The following WAC variants were observed in gnomAD, a reference collection of about 807,000 sequenced individuals.
WAC encodes the protein WW domain-containing adapter protein with coiled-coil.
WAC carries 11 observed loss-of-function variants against 79.6 expected under a neutral mutation model. That is an observed-to-expected ratio of 0.14 (90% CI 0.09 to 0.23). The LOEUF (loss-of-function observed/expected upper bound fraction) is 0.23. Ranked by LOEUF, WAC falls within the 10% of genes least tolerant of loss-of-function variation. The probability of loss-of-function intolerance (pLI) is 1.00; values close to 1 mark genes in which losing one functional copy is unlikely to be tolerated. For synonymous variants in WAC, 304 were observed against 276.9 expected, an observed-to-expected ratio of 1.10 and a Z score of -0.97; for missense variants, 728 against 773.5, an observed-to-expected ratio of 0.94 and a Z score of 0.70.
intron 4 of WAC, among the ~76,000 whole-genome samples, chr10:28,588,145 A>G (rs553806582): frequency 1.3e-5 from 2 of 152,290 alleles, no homozygotes; most frequent in African/African-American, 2.4e-5. Context: ...AAGCAAACCA[A>G]GCCTTCCAGA....
rs532093732 is a variant in WAC at position 28,611,072 on chromosome 10, G to A, written c.1288+251G>A. The A allele has an allele frequency of 5.1e-4, 283 of 557,626 alleles. 1 individual carries two copies. The highest frequency in any genetic ancestry group is 4.3e-3 in the East Asian group (108 of 25,376). 34.5% of individuals were successfully genotyped at this position (557,626 alleles called of 1,614,324 possible). A position where few individuals can be genotyped will look rare whatever the true frequency, so the allele number is the denominator to read the frequency against. ...ATCAAATCTGTAATTATTTAAGACA[G>A]TATTTAATTCAGACTTTGTTATTAA... is the stretch of plus-strand genomic sequence containing the variant. On this transcript the variant is annotated intron_variant, in intron 9 of 13. Coordinates refer to ENST00000354911, the MANE Select transcript of WAC (RefSeq NM_016628.5).
chr10:28,570,311 T>C (rs1247087022), intron 3 of WAC, among the ~76,000 whole-genome samples: 2 of 152,228 alleles, frequency 1.3e-5, no homozygotes, highest in African/African-American at 2.4e-5. Context: ...ACAGGTATAG[T>C]GTGTTGTCTT....
At position 28,617,706 on chromosome 10, in the gene WAC, C is replaced by T; in HGVS notation, c.1796C>T (p.Ser599Phe). 1.3e-6 allele frequency: 2 copies of T among 1,597,970 alleles called. No individual in the cohort carries two copies. Among genetic ancestry groups the T allele is most frequent in the Non-Finnish European group, 1.7e-6 (2 of 1,175,182 alleles). The stretch of plus-strand genomic sequence containing the variant: ...CATAACATGGGAACTATTCACATGT[C>T]CGAAATTTGTACTGAATTAAAAAAT... ...EAHNMGTIHM[S>F]EICTELKNLR... The change falls in exon 13 of 14, where the codon TCC becomes TTC. Residue 599 changes from serine (S) to phenylalanine (F), a missense_variant. By Grantham distance (155) the Ser-to-Phe change is radical. This residue lies in a region of WAC where 66 missense variants were observed against 78.9 expected (regional missense o/e 0.84). Transcript: ENST00000354911.
intron 3 of WAC, among the ~76,000 whole-genome samples, chr10:28,564,252 C>CA (rs951195539): frequency 6.6e-6 from 1 of 151,650 alleles, no homozygotes; most frequent in Non-Finnish European, 1.5e-5. Context: ...GACCTTGTCT[C>CA]AAAAAAACAA....
chr10:28,556,175 C>A (rs1380113370), intron 3 of WAC, among the ~76,000 whole-genome samples: 1 of 152,062 alleles, frequency 6.6e-6, no homozygotes, highest in Non-Finnish European at 1.5e-5. Flanking sequence ...TCCATTATTT[C>A]CACCAATAGT....
intron 3 of WAC, among the ~76,000 whole-genome samples, chr10:28,557,494 A>G (rs1490516603): frequency 6.6e-6 from 1 of 152,020 alleles, no homozygotes; most frequent in Non-Finnish European, 1.5e-5. Context: ...TCAGGTGTTC[A>G]AGACCCACCT....
At chr10:28,590,632 T>G in intron 5 of WAC, 88 bp from the exon 6 acceptor site, 1 of 1,055,718 alleles carries the variant, frequency 9.5e-7, no homozygotes, top group South Asian at 1.5e-5. Context: ...TGTATACCAT[T>G]TGTTAGGCAT....
intron 3 of WAC, among the ~76,000 whole-genome samples, chr10:28,552,195 GTATT>G (rs1395449975): frequency 6.6e-6 from 1 of 151,934 alleles, no homozygotes. Flanking sequence ...TTTCCTCTTA[GTATT>G]TATTCTTAGG....
At chr10:28,574,598 G>A (rs1424938747) in intron 3 of WAC, among the ~76,000 whole-genome samples, 6 of 149,176 alleles carry the variant, frequency 4.0e-5, no homozygotes, top group Non-Finnish European at 8.9e-5. Flanking sequence ...ACACAGCACC[G>A]CACCCAGCTA....
intron 3 of WAC, among the ~76,000 whole-genome samples, chr10:28,557,066 T>G (rs988334720): frequency 2.1e-4 from 21 of 99,354 alleles, no homozygotes; most frequent in Admixed American, 9.6e-5. Flanking sequence ...ATTTTGGGAG[T>G]TTTTTTTTTT....
At chr10:28,543,883 T>C (rs1385609362) in intron 3 of WAC, among the ~76,000 whole-genome samples, 2 of 152,198 alleles carry the variant, frequency 1.3e-5, no homozygotes, top group Non-Finnish European at 2.9e-5. Context: ...TTTTTTGTTG[T>C]TGCTGTTGTT....
chr10:28,541,413 GTGT>G (rs1837020306), intron 3 of WAC, among the ~76,000 whole-genome samples: 2 of 50,754 alleles, frequency 3.9e-5, no homozygotes, highest in South Asian at 1.0e-3. Context: ...GTGTGTGTGT[GTGT>G]TTTGTTTTTT....
chr10:28,614,736 C>A, intron 11 of WAC, 51 bp downstream of exon 11: 2 of 1,362,914 alleles, frequency 1.5e-6, no homozygotes, highest in Non-Finnish European at 2.1e-6. Context: ...AATGATGGTA[C>A]ACTGCATTGT....
At chr10:28,604,979 G>GT (rs1487435402) in intron 7 of WAC, among the ~76,000 whole-genome samples, 1 of 152,146 alleles carries the variant, frequency 6.6e-6, no homozygotes, top group Non-Finnish European at 1.5e-5. Flanking sequence ...TCAGCTTTTA[G>GT]TATTATACAT....
At position 28,619,815 on chromosome 10, in the gene WAC, A is replaced by G. The variant is rs999425980; in HGVS notation, c.*209A>G. 4 of 440,296 alleles carry G rather than the reference A, an allele frequency of 9.1e-6. No individual in the cohort carries two copies. The highest frequency in any genetic ancestry group is 2.1e-5 in the African/African-American group (1 of 48,334). 27.3% of individuals were successfully genotyped at this position (440,296 alleles called of 1,614,324 possible). On this transcript the variant is annotated 3_prime_UTR_variant, in exon 14 of 14. Transcript: ENST00000354911. The stretch of plus-strand genomic sequence containing the variant: ...TGAAATGTAGATTTCTTGTAGATGT[A>G]TCCTTCACGTTGTAAATATGTTTTG...
intron 10 of WAC, among the ~76,000 whole-genome samples, chr10:28,613,273 A>G (rs555655606): frequency 7.9e-5 from 12 of 152,366 alleles, no homozygotes; most frequent in Admixed American, 4.6e-4. Flanking sequence ...CGGCTGAGGC[A>G]TGAGAATCAC....
At chr10:28,535,441 G>T in intron 2 of WAC, 121 bp from the exon 3 acceptor site, 1 of 1,237,788 alleles carries the variant, frequency 8.1e-7, no homozygotes, top group Non-Finnish European at 1.1e-6. Flanking sequence ...AATTGAAAGT[G>T]GAAATTTTAA....
At chr10:28,533,796 A>G (rs562215566) in intron 1 of WAC, 176 bp downstream of exon 1, 1 of 986,020 alleles carries the variant, frequency 1.0e-6, no homozygotes, top group South Asian at 1.6e-5. Context: ...TGTGGCGGGG[A>G]GCGGGGGCCC....
At chr10:28,606,623 C>T (rs1477416443) in intron 7 of WAC, among the ~76,000 whole-genome samples, 1 of 152,122 alleles carries the variant, frequency 6.6e-6, no homozygotes, top group African/African-American at 2.4e-5. Flanking sequence ...TAAAAAGACT[C>T]ATAGGGGAGT....
Sources: allele counts gnomAD v4.1 joint callset (sites outside exome capture counted in the v4.1 genomes callset), GRCh38; gene constraint gnomAD v4.1.1; regional missense constraint gnomAD v4.1.1; transcripts MANE v1.5; gene names NCBI Gene and HGNC (gene_info 2026-07-23, HGNC 2026-07-21).